Variants in CDK19 observed in about 807,000 individuals in gnomAD.
CDK19 encodes the protein cyclin dependent kinase 19.
In CDK19, 20 loss-of-function variants were observed where a neutral mutation model predicts 68.3. The ratio of observed to expected loss-of-function variants is 0.29; its 90% CI spans 0.21 to 0.43. The LOEUF (loss-of-function observed/expected upper bound fraction) is 0.43, where lower values mean the gene tolerates loss of function less well. Among genes scored for constraint, CDK19 ranks in the 20% least tolerant of loss-of-function variants. CDK19 has a pLI of 1.00. For missense variants in CDK19, 339 were observed against 623.5 expected (o/e 0.54, Z 4.86); for synonymous variants, 221 against 222.8 (o/e 0.99, Z 0.07).
intron 1 of CDK19, among the ~76,000 whole-genome samples, chr6:110,811,995 C>T (rs1783136943): frequency 1.3e-5 from 2 of 151,258 alleles, no homozygotes; most frequent in East Asian, 3.9e-4. Flanking sequence ...CCCAGGAGTT[C>T]AAGACTAGCT....
intron 2 of CDK19, among the ~76,000 whole-genome samples, chr6:110,674,040 G>A (rs1771254240): frequency 6.6e-6 from 1 of 152,152 alleles, no homozygotes; most frequent in African/African-American, 2.4e-5. Flanking sequence ...CTCACTTAAT[G>A]TCTCTGTGTC....
chr6:110,621,424 C>T lies in CDK19; in HGVS notation c.1111-54G>A. On this transcript the variant is annotated intron_variant, in intron 11 of 12. Coordinates refer to ENST00000368911, the MANE Select transcript of CDK19 (RefSeq NM_015076.5). The surrounding 1 kb of genome is among the most constrained non-coding windows in gnomAD (Gnocchi z 5.4). ...ATGAAACCAAATTAACAGGAGCTTT[C>T]TTTAATTATTTGATATGCACATGTG... 1 of 1,508,606 alleles carries T rather than the reference C, an allele frequency of 6.6e-7. No homozygotes were observed. Among genetic ancestry groups the T allele is most frequent in the Non-Finnish European group, 8.9e-7 (1 of 1,128,252 alleles). The allele number at this position is 1,508,606 out of a possible 1,614,324, so 93.5% of individuals were successfully genotyped here.
intron 4 of CDK19, among the ~76,000 whole-genome samples, chr6:110,652,332 AT>A (rs1338257443): frequency 6.6e-6 from 1 of 152,216 alleles, no homozygotes; most frequent in African/African-American, 2.4e-5. Context: ...TTCCAAAAAA[AT>A]AATTTCTGTG....
At chr6:110,628,270 T>A (rs1779217620) in intron 6 of CDK19, among the ~76,000 whole-genome samples, 2 of 152,176 alleles carry the variant, frequency 1.3e-5, no homozygotes, top group Non-Finnish European at 2.9e-5. Flanking sequence ...TAGTAGCCTA[T>A]TAAATATGTG....
intron 1 of CDK19, among the ~76,000 whole-genome samples, chr6:110,812,197 T>A (rs1042334431): frequency 6.6e-6 from 1 of 151,740 alleles, no homozygotes; most frequent in East Asian, 1.9e-4. Context: ...CTCGGCTCAC[T>A]GCAAGCTCCA....
intron 2 of CDK19, among the ~76,000 whole-genome samples, chr6:110,691,950 A>G (rs1308336979): frequency 6.7e-6 from 1 of 149,252 alleles, no homozygotes. Flanking sequence ...CCGGCCCCCC[A>G]TCTCTATTTT....
intron 2 of CDK19, among the ~76,000 whole-genome samples, chr6:110,685,300 C>T (rs570702553): frequency 2.0e-5 from 3 of 152,302 alleles, no homozygotes; most frequent in Non-Finnish European, 4.4e-5. Flanking sequence ...GGTACAGAAA[C>T]ATATTTCCTA....
chr6:110,657,053 A>T (rs1381410727), intron 4 of CDK19, among the ~76,000 whole-genome samples: 1 of 152,238 alleles, frequency 6.6e-6, no homozygotes, highest in Non-Finnish European at 1.5e-5. Context: ...ATCATGAGAA[A>T]TTAAGAATGT....
chr6:110,796,066 CG>C (rs2115089841), intron 1 of CDK19, among the ~76,000 whole-genome samples: 1 of 152,240 alleles, frequency 6.6e-6, no homozygotes, highest in African/African-American at 2.4e-5. Flanking sequence ...CTGCTGGGCA[CG>C]GTGGCTCACG....
At chr6:110,763,828 C>T (rs996897668) in intron 1 of CDK19, among the ~76,000 whole-genome samples, 9 of 152,006 alleles carry the variant, frequency 5.9e-5, no homozygotes, top group Admixed American at 2.0e-4. Flanking sequence ...TGTTCACAGA[C>T]GACGTAATTG....
chr6:110,701,269 G>A (rs369814433), intron 2 of CDK19, among the ~76,000 whole-genome samples: 25 of 151,530 alleles, frequency 1.6e-4, no homozygotes, highest in Middle Eastern at 3.4e-3. Flanking sequence ...GGAGCCGGGC[G>A]TGGTGGCTCA....
At chr6:110,812,043 T>C (rs1446073650) in intron 1 of CDK19, among the ~76,000 whole-genome samples, 4 of 151,808 alleles carry the variant, frequency 2.6e-5, no homozygotes. Flanking sequence ...ACAAAAAATA[T>C]TCAAAAGTAT....
chr6:110,706,832 G>A (rs1774545317), intron 2 of CDK19: 1 of 210,304 alleles, frequency 4.8e-6, no homozygotes, highest in Non-Finnish European at 1.0e-5. Flanking sequence ...CACCTTTCTT[G>A]TAGATTCACA....
At chr6:110,646,437 AC>A in intron 4 of CDK19, 1 of 1,499,496 alleles carries the variant, frequency 6.7e-7, no homozygotes, top group South Asian at 1.3e-5. Context: ...CGCCGCAGCT[AC>A]CCCATGCACC....
rs111810128 is a variant in CDK19, at chr6:110,678,262, T to C, written c.205-7721A>G. ...GTCTGCGGGCTTTAAATGTCACCCATATGCATTAACTCCCAAATGTTTACC... is the reference window on the plus strand; with the variant it reads ...GTCTGCGGGCTTTAAATGTCACCCACATGCATTAACTCCCAAATGTTTACC... On this transcript the variant is annotated intron_variant, in intron 2 of 12. Coordinates refer to ENST00000368911, the MANE Select transcript of CDK19 (RefSeq NM_015076.5). 1.1e-3 allele frequency among the ~76,000 whole-genome samples: 164 copies of C among 152,134 alleles called. 1 individual carries two copies. The Middle Eastern group carries it at 0.017, about 16-fold the overall frequency.
chr6:110,770,948 G>A (rs1026208340), intron 1 of CDK19, among the ~76,000 whole-genome samples: 1 of 152,192 alleles, frequency 6.6e-6, no homozygotes, highest in Non-Finnish European at 1.5e-5. Flanking sequence ...TCACATCCAG[G>A]TCACACTGAT....
At chr6:110,751,028 G>T (rs1186054361) in intron 1 of CDK19, among the ~76,000 whole-genome samples, 4 of 152,044 alleles carry the variant, frequency 2.6e-5, no homozygotes. Context: ...TAGAGATAGG[G>T]TTTCACTATG....
intron 1 of CDK19, among the ~76,000 whole-genome samples, chr6:110,753,143 T>C (rs561366383): frequency 1.3e-5 from 2 of 152,140 alleles, no homozygotes; most frequent in Non-Finnish European, 2.9e-5. Flanking sequence ...TTGCCCAAGC[T>C]GGTCTCGAAT....
Position 110,669,402 on chromosome 6 carries a change from AG to A in CDK19, c.315+1028del, listed in dbSNP as rs536116533. Among the ~76,000 whole-genome samples the A allele has an allele frequency of 3.7e-3, 561 of 152,240 alleles. 2 individuals are homozygous for A. The highest frequency in any genetic ancestry group is 4.6e-3 in the Non-Finnish European group (314 of 68,006). On this transcript the variant is annotated intron_variant, in intron 3 of 12. Transcript: ENST00000368911. ...TGAGGCAGGAGGATCGCTTGAGCCC[AG>A]GAGGTCAAAGGTGCAGTGAACCATA... is the stretch of plus-strand genomic sequence containing the variant.
Sources: allele counts gnomAD v4.1 joint callset (sites outside exome capture counted in the v4.1 genomes callset), GRCh38; gene constraint gnomAD v4.1.1; non-coding constraint Gnocchi (gnomAD v3.1); transcripts MANE v1.5; gene names NCBI Gene and HGNC (gene_info 2026-07-23, HGNC 2026-07-21).